Variants in ERBIN observed in about 807,000 individuals in gnomAD.
ERBIN encodes erbb2 interacting protein.
A neutral mutation model predicts 158.4 loss-of-function variants in ERBIN; 60 were observed. The ratio of observed to expected loss-of-function variants is 0.38; its 90% CI spans 0.31 to 0.47. The LOEUF (loss-of-function observed/expected upper bound fraction) is 0.47. Ranked by LOEUF, ERBIN falls within the 20% of genes least tolerant of loss-of-function variation. The probability of loss-of-function intolerance (pLI) is 0.99; values close to 1 mark genes in which losing one functional copy is unlikely to be tolerated. For synonymous variants in ERBIN, 594 were observed against 557.2 expected, an observed-to-expected ratio of 1.07 and a Z score of -0.93; for missense variants, 1,610 against 1,648.0, an observed-to-expected ratio of 0.98 and a Z score of 0.40.
Position 66,078,492 on chromosome 5 carries a change from A to G in ERBIN, c.4201A>G (p.Thr1401Ala), listed in dbSNP as rs778418410. The change falls in exon 26 of 26, where the codon ACA becomes GCA. Residue 1401 changes from threonine to alanine, a missense_variant. Transcript: ENST00000284037. ...GTCCTTGCTAAAAACTTTCCAGAATACAGTTGAACTCATCATTGTACGAGA... is the reference window on the plus strand; with the variant it reads ...GTCCTTGCTAAAAACTTTCCAGAATGCAGTTGAACTCATCATTGTACGAGA... The part of the protein sequence containing the change: ...AVSLLKTFQN[T>A]VELIIVREVS... 3.7e-6 allele frequency: 6 copies of G among 1,603,112 alleles called. No individual in the cohort carries two copies. The South Asian group carries it at 5.7e-5, about 15-fold the overall frequency.
Position 66,078,884 on chromosome 5 carries a change from G to A in ERBIN, c.*354G>A, listed in dbSNP as rs1308108998. 3 of 189,640 alleles carry A rather than the reference G, an allele frequency of 1.6e-5. No homozygotes were observed. The highest frequency in any genetic ancestry group is 3.2e-5 in the Non-Finnish European group (3 of 92,850). 11.7% of individuals were successfully genotyped at this position (189,640 alleles called of 1,614,324 possible). Reference sequence around the variant, plus strand: ...AATAGTTAGCCTTGATTTTAGCCCAGAGACAGATGGCAGAGCTATCTCTCT... The same window carrying A: ...AATAGTTAGCCTTGATTTTAGCCCAAAGACAGATGGCAGAGCTATCTCTCT... On this transcript the variant is annotated 3_prime_UTR_variant, in exon 26 of 26. Transcript: ENST00000284037.
intron 22 of ERBIN, among the ~76,000 whole-genome samples, chr5:66,074,449 C>G (rs1395914747): frequency 6.6e-6 from 1 of 151,952 alleles, no homozygotes; most frequent in African/African-American, 2.4e-5. Context: ...AACATACACA[C>G]AAGGAATAAA....
chr5:66,057,666 G>A (rs1044428787), intron 21 of ERBIN, among the ~76,000 whole-genome samples: 17 of 150,320 alleles, frequency 1.1e-4, no homozygotes, highest in Admixed American at 3.3e-4. Context: ...TCGTCATTTA[G>A]CATTAGGTAT....
chr5:66,014,460 T>C (rs1754511892), intron 6 of ERBIN, among the ~76,000 whole-genome samples: 1 of 152,192 alleles, frequency 6.6e-6, no homozygotes, highest in South Asian at 2.1e-4. Context: ...TGTGTGGAAG[T>C]GCTAACCCTT....
At chr5:65,941,313 TAAAAAA>T (rs1217469941) in intron 1 of ERBIN, among the ~76,000 whole-genome samples, 2 of 60,088 alleles carry the variant, frequency 3.3e-5, no homozygotes, top group Non-Finnish European at 5.1e-5. Flanking sequence ...GAATGATCAA[TAAAAAA>T]AAAAAAAAAA....
chr5:65,944,718 A>G (rs1745524842), intron 1 of ERBIN, among the ~76,000 whole-genome samples: 1 of 152,170 alleles, frequency 6.6e-6, no homozygotes, highest in Non-Finnish European at 1.5e-5. Context: ...GGTTTTGATT[A>G]GCATTTCCTT....
chr5:66,023,326 T>G lies in ERBIN; in HGVS notation c.634T>G (p.Phe212Val), dbSNP rs777028314. 1 of 1,612,960 alleles carries G rather than the reference T, an allele frequency of 6.2e-7. No individual in the cohort carries two copies. The highest frequency in any genetic ancestry group is 1.1e-5 in the South Asian group (1 of 90,968). The change falls in exon 9 of 26, where the codon TTT becomes GTT. Residue 212 changes from phenylalanine (F) to valine (V), a missense_variant. Around this residue, in one of 2 missense-constraint regions of ERBIN, gnomAD observed 596 missense variants for 711.9 expected, o/e 0.84. Transcript: ENST00000284037. ...VLEQLSGLKE[F>V]WMDANRLTFI... ...TGAGCAACTAAGTGGATTGAAAGAGTTTTGGATGGATGCTAATAGACTGAC... is the reference window on the plus strand; with the variant it reads ...TGAGCAACTAAGTGGATTGAAAGAGGTTTGGATGGATGCTAATAGACTGAC...
intron 1 of ERBIN, among the ~76,000 whole-genome samples, chr5:65,949,750 T>C (rs983722059): frequency 6.6e-6 from 1 of 152,228 alleles, no homozygotes; most frequent in African/African-American, 2.4e-5. Context: ...TTTAATTGAA[T>C]TTCATCAAGT....
chr5:66,054,166 C>T lies in ERBIN; in HGVS notation c.2848C>T (p.His950Tyr). 3 of 1,614,118 alleles carry T rather than the reference C, an allele frequency of 1.9e-6. No individual in the cohort carries two copies. Among genetic ancestry groups the T allele is most frequent in the Non-Finnish European group, 2.5e-6 (3 of 1,180,020 alleles). Reference protein sequence around the residue: ...TKAIFKFDSNHNPEEPNIIRG... With the variant: ...TKAIFKFDSNYNPEEPNIIRG... ...GGCAATTTTCAAGTTTGATTCAAATCATAATCCCGAAGAGCCAAATATAAT... is the reference window on the plus strand; with the variant it reads ...GGCAATTTTCAAGTTTGATTCAAATTATAATCCCGAAGAGCCAAATATAAT... Residue 950 changes from histidine to tyrosine, a missense_variant, in exon 21 of 26, where the codon CAT (histidine) becomes TAT (tyrosine). By Grantham distance (83) the His-to-Tyr change is moderately conservative (BLOSUM62 2). Around this residue, in one of 2 missense-constraint regions of ERBIN, gnomAD observed 1,014 missense variants for 936.1 expected, o/e 1.08. Transcript: ENST00000284037.
intron 1 of ERBIN, among the ~76,000 whole-genome samples, chr5:65,961,841 G>C (rs933538158): frequency 6.6e-6 from 1 of 152,090 alleles, no homozygotes; most frequent in African/African-American, 2.4e-5. Context: ...TGGTCAATTT[G>C]ACTCACATGA....
At chr5:66,066,697 T>G (rs1406983077) in intron 21 of ERBIN, among the ~76,000 whole-genome samples, 2 of 152,168 alleles carry the variant, frequency 1.3e-5, no homozygotes, top group South Asian at 2.1e-4. Context: ...TTATGAGAAC[T>G]CAGATATTAA....
At chr5:66,017,910 A>T (rs551884994) in intron 7 of ERBIN, among the ~76,000 whole-genome samples, 2 of 152,218 alleles carry the variant, frequency 1.3e-5, no homozygotes, top group African/African-American at 2.4e-5. Context: ...TATAGTTATC[A>T]AGTTTCCCAG....
At chr5:65,944,579 A>T (rs749389127) in intron 1 of ERBIN, among the ~76,000 whole-genome samples, 1 of 151,746 alleles carries the variant, frequency 6.6e-6, no homozygotes, top group African/African-American at 2.4e-5. Context: ...TAATTTTTGT[A>T]TTTTTAGTAG....
intron 1 of ERBIN, among the ~76,000 whole-genome samples, chr5:65,964,946 A>T (rs867167472): frequency 2.9e-4 from 22 of 75,040 alleles, no homozygotes; most frequent in African/African-American, 1.3e-3. Context: ...GTGTGTGTGT[A>T]ATTTTTTTTT....
chr5:65,980,148 G>C (rs866891099), intron 1 of ERBIN, among the ~76,000 whole-genome samples: 3 of 152,186 alleles, frequency 2.0e-5, no homozygotes, highest in African/African-American at 7.2e-5. Flanking sequence ...GGGTGTGGTG[G>C]CTCACACCTG....
chr5:66,062,349 G>A (rs1055978220), intron 21 of ERBIN, among the ~76,000 whole-genome samples: 1 of 152,144 alleles, frequency 6.6e-6, no homozygotes, highest in Non-Finnish European at 1.5e-5. Context: ...ACTGAGGCTT[G>A]TGCATTCGTC....
At chr5:65,985,015 G>A (rs1751064975) in intron 1 of ERBIN, among the ~76,000 whole-genome samples, 1 of 152,140 alleles carries the variant, frequency 6.6e-6, no homozygotes, top group African/African-American at 2.4e-5. Context: ...AAATAATAGT[G>A]GCTATGGTAT....
Position 66,051,012 on chromosome 5 carries a change from A to G in ERBIN, c.2087+46A>G, listed in dbSNP as rs760419084. 3 of 1,276,882 alleles carry G rather than the reference A, an allele frequency of 2.3e-6. No individual in the cohort carries two copies. The African/African-American group carries it at 4.6e-5, about 20-fold the overall frequency. 79.1% of individuals were successfully genotyped at this position (1,276,882 alleles called of 1,614,324 possible). A position where few individuals can be genotyped will look rare whatever the true frequency, so the allele number is the denominator to read the frequency against. ...GTTTTTTATTTATACAATAAATAGA[A>G]GTAGTAAGGCAGATAACAAATACAT... On this transcript the variant is annotated intron_variant, in intron 20 of 25. Transcript: ENST00000284037.
intron 1 of ERBIN, among the ~76,000 whole-genome samples, chr5:65,957,486 T>G (rs1747310309): frequency 6.6e-6 from 1 of 152,204 alleles, no homozygotes; most frequent in Admixed American, 6.5e-5. Context: ...CTTAATCCAT[T>G]TAACCCTGAG....
Sources: gnomAD v4.1 joint callset for allele counts (sites outside exome capture counted in the v4.1 genomes callset) on GRCh38, gnomAD v4.1.1 for gene constraint, gnomAD v4.1.1 regional missense constraint, MANE v1.5 for transcripts, NCBI Gene and HGNC (gene_info 2026-07-23, HGNC 2026-07-21) for gene names.